CNTNAP5: variants seen among roughly 807,000 people sequenced by gnomAD.
The protein encoded by CNTNAP5 is contactin-associated protein-like 5.
CNTNAP5 carries 72 observed loss-of-function variants against 150.2 expected under a neutral mutation model. The observed-to-expected ratio is 0.48, with a 90% confidence interval of 0.40 to 0.58. The LOEUF is 0.58. CNTNAP5 is among the 20% of genes least tolerant of loss of function. The pLI is 0.00. For synonymous variants in CNTNAP5, 672 were observed against 619.8 expected (o/e 1.08, Z -1.25); for missense variants, 1,636 against 1,626.2 (o/e 1.01, Z -0.10).
chr2:124,645,956 C>T (rs1315995258), intron 12 of CNTNAP5, among the ~76,000 whole-genome samples: 2 of 152,094 alleles, frequency 1.3e-5, no homozygotes, highest in African/African-American at 4.8e-5. Context: ...AACCAGATGT[C>T]ACTGTCGCAA....
In CNTNAP5 at chr2:124,249,315, C is replaced by A. The variant is rs1339603196; in HGVS notation, c.381+6922C>A. On this transcript the variant is annotated intron_variant, in intron 3 of 23. Coordinates refer to ENST00000682447, the MANE Select transcript of CNTNAP5 (RefSeq NM_001367498.1). Reference sequence around the variant, plus strand: ...AAATCCACATTCTATAAAAAATCTCCTTTCCCCTTTGTTTTCCTTCCTTCT... The same window carrying A: ...AAATCCACATTCTATAAAAAATCTCATTTCCCCTTTGTTTTCCTTCCTTCT... Among the ~76,000 whole-genome samples the A allele has an allele frequency of 2.0e-5, 3 of 152,250 alleles. No homozygotes were observed. The South Asian group carries it at 6.2e-4, about 32-fold the overall frequency.
intron 19 of CNTNAP5, among the ~76,000 whole-genome samples, chr2:124,845,236 A>G (rs1396081276): frequency 2.0e-5 from 3 of 152,100 alleles, no homozygotes; most frequent in African/African-American, 7.2e-5. Context: ...TATTGAGATC[A>G]TCATGTGATT....
Position 124,035,910 on chromosome 2 carries a change from C to CTTTTTT in CNTNAP5, c.82+10198_82+10203dup, listed in dbSNP as rs759598012. On this transcript the variant is annotated intron_variant, in intron 1 of 23. Transcript: ENST00000682447. ...GTTGCTGCATTTCCCAGGATGAACT[C>CTTTTTT]TTTTTTTTTTTTTTTTTTTTTTTTT... is the stretch of plus-strand genomic sequence containing the variant. Among the ~76,000 whole-genome samples the CTTTTTT allele has an allele frequency of 2.8e-3, 212 of 76,538 alleles. 8 individuals are homozygous for CTTTTTT. Among genetic ancestry groups the CTTTTTT allele is most frequent in the South Asian group, 0.01 (15 of 1,470 alleles). 50.2% of individuals were successfully genotyped at this position (76,538 alleles called of 152,430 possible).
At chr2:124,503,720 C>G (rs1694331570) in intron 7 of CNTNAP5, among the ~76,000 whole-genome samples, 2 of 152,134 alleles carry the variant, frequency 1.3e-5, no homozygotes, top group Non-Finnish European at 2.9e-5. Context: ...CCTTCCTGTC[C>G]CACGAACTAC....
chr2:124,525,312 C>T (rs913090394), intron 9 of CNTNAP5, among the ~76,000 whole-genome samples: 4 of 152,108 alleles, frequency 2.6e-5, no homozygotes, highest in African/African-American at 4.8e-5. Context: ...ATCTGAAACA[C>T]GGGGAAATAA....
intron 22 of CNTNAP5, among the ~76,000 whole-genome samples, chr2:124,904,060 A>C (rs945296912): frequency 6.8e-6 from 1 of 146,904 alleles, no homozygotes; most frequent in African/African-American, 2.6e-5. Flanking sequence ...TTTCAAAAAA[A>C]AAAACAAAAA....
At chr2:124,845,560 G>A (rs955382128) in intron 19 of CNTNAP5, among the ~76,000 whole-genome samples, 2 of 151,694 alleles carry the variant, frequency 1.3e-5, no homozygotes, top group South Asian at 4.2e-4. Flanking sequence ...TATAGGATTG[G>A]TACCAATTCT....
chr2:124,762,143 A>C (rs1216122286), intron 14 of CNTNAP5, among the ~76,000 whole-genome samples: 1 of 152,160 alleles, frequency 6.6e-6, no homozygotes, highest in Non-Finnish European at 1.5e-5. Flanking sequence ...GTGTCTATGC[A>C]ACATTCATAG....
At chr2:124,712,358 T>G (rs1679825362) in intron 13 of CNTNAP5, among the ~76,000 whole-genome samples, 2 of 152,218 alleles carry the variant, frequency 1.3e-5, no homozygotes, top group Non-Finnish European at 2.9e-5. Flanking sequence ...ATTCTCATTT[T>G]ACAGCAATGA....
At chr2:124,486,869 T>C (rs539345740) in intron 7 of CNTNAP5, among the ~76,000 whole-genome samples, 2 of 152,338 alleles carry the variant, frequency 1.3e-5, no homozygotes, top group African/African-American at 2.4e-5. Context: ...ACTCAAAAAG[T>C]TTAGAACACT....
At chr2:124,684,291 G>A (rs1410693385) in intron 13 of CNTNAP5, among the ~76,000 whole-genome samples, 1 of 152,124 alleles carries the variant, frequency 6.6e-6, no homozygotes, top group Non-Finnish European at 1.5e-5. Flanking sequence ...GCAAATGCAT[G>A]GGCTATAAGA....
At chr2:124,109,061 G>A (rs919983535) in intron 1 of CNTNAP5, among the ~76,000 whole-genome samples, 58 of 152,182 alleles carry the variant, frequency 3.8e-4, no homozygotes, top group African/African-American at 1.4e-3. Context: ...AAAGCACAGA[G>A]ATGTGAGGTC....
chr2:124,762,814 A>C (rs1680986144), intron 14 of CNTNAP5, among the ~76,000 whole-genome samples: 1 of 152,084 alleles, frequency 6.6e-6, no homozygotes, highest in African/African-American at 2.4e-5. Context: ...TAGGCCAGCT[A>C]TCTAATATCT....
At chr2:124,830,716 T>C (rs1479816073) in intron 19 of CNTNAP5, among the ~76,000 whole-genome samples, 2 of 152,026 alleles carry the variant, frequency 1.3e-5, no homozygotes, top group Non-Finnish European at 2.9e-5. Context: ...AAATTGTTTT[T>C]CTGGACCTTC....
intron 12 of CNTNAP5, among the ~76,000 whole-genome samples, chr2:124,644,753 G>A (rs1224396155): frequency 6.6e-6 from 1 of 152,158 alleles, no homozygotes; most frequent in African/African-American, 2.4e-5. Flanking sequence ...TGTCTCCCAG[G>A]AGAACAGTAA....
intron 1 of CNTNAP5, among the ~76,000 whole-genome samples, chr2:124,092,773 T>C (rs1282779104): frequency 1.5e-4 from 23 of 152,224 alleles, no homozygotes; most frequent in Non-Finnish European, 3.4e-4. Context: ...TGTCTCTTGC[T>C]TTTTAATGTA....
At position 124,895,157 on chromosome 2, in the gene CNTNAP5, C is replaced by G. The variant is rs530810852; in HGVS notation, c.3437-7725C>G. 6.6e-5 allele frequency among the ~76,000 whole-genome samples: 10 copies of G among 151,622 alleles called. No individual in the cohort carries two copies. In the South Asian group the frequency reaches 2.1e-3, roughly 31 times the overall value. Reference sequence around the variant, plus strand: ...GTTATATTTTTTTTACTTCTTGTATCATTAATATCTACCTATCATCTATCT... The same window carrying G: ...GTTATATTTTTTTTACTTCTTGTATGATTAATATCTACCTATCATCTATCT... On this transcript the variant is annotated intron_variant, in intron 21 of 23. Transcript: ENST00000682447.
Position 124,446,941 on chromosome 2 carries a change from A to T in CNTNAP5, c.918+4A>T. ...TGCCTTAGACATTGACTATGAGGTGAGTTGATCCTCCTTCCTGCACCTCCT... is the reference window on the plus strand; with the variant it reads ...TGCCTTAGACATTGACTATGAGGTGTGTTGATCCTCCTTCCTGCACCTCCT... On this transcript the variant is annotated splice_donor_region_variant and intron_variant, in intron 6 of 23. Coordinates refer to ENST00000682447, the MANE Select transcript of CNTNAP5 (RefSeq NM_001367498.1). 1 of 1,611,192 alleles carries T rather than the reference A, an allele frequency of 6.2e-7. No individual in the cohort carries two copies. Among genetic ancestry groups the T allele is most frequent in the Non-Finnish European group, 8.5e-7 (1 of 1,177,966 alleles).
rs1681179182 is a variant in CNTNAP5, at chr2:124,035,166, CA to C, written c.82+9438del. ...CCATCCACATAGCTCCAGAGAAAAC[CA>C]AAACAAAAGGTAACTGTACCATCTC... On this transcript the variant is annotated intron_variant, in intron 1 of 23. Transcript: ENST00000682447. Among the ~76,000 whole-genome samples, 10 of 152,150 alleles carry C rather than the reference CA, an allele frequency of 6.6e-5. No homozygotes were observed. The South Asian group carries it at 1.9e-3, about 28-fold the overall frequency.
Sources: allele counts gnomAD v4.1 joint callset (sites outside exome capture counted in the v4.1 genomes callset), GRCh38; gene constraint gnomAD v4.1.1; transcripts MANE v1.5; gene names NCBI Gene and HGNC (gene_info 2026-07-23, HGNC 2026-07-21).